Variants in PDE1C observed in about 807,000 individuals in gnomAD.
PDE1C encodes dual specificity calcium/calmodulin-dependent 3',5'-cyclic nucleotide phosphodiesterase 1C.
In PDE1C, 62 loss-of-function variants were observed where a neutral mutation model predicts 93.1. That is an observed-to-expected ratio of 0.67 (90% CI 0.54 to 0.82). The LOEUF is 0.82. Among genes scored for constraint, PDE1C ranks in the 40% least tolerant of loss-of-function variants. The pLI is 0.00. For missense variants in PDE1C, 742 were observed against 884.6 expected (o/e 0.84, Z 2.04); for synonymous variants, 325 against 310.1 (o/e 1.05, Z -0.50).
chr7:31,692,664 A>T, the PDE1C span: 1 of 703,064 alleles, frequency 1.4e-6, no homozygotes, highest in East Asian at 2.7e-5. Context: ...CCAACACCAG[A>T]TGGGCAGGCA....
intron 1 of PDE1C, among the ~76,000 whole-genome samples, chr7:32,345,396 G>A (rs560062583): frequency 2.0e-5 from 3 of 152,272 alleles, no homozygotes; most frequent in African/African-American, 4.8e-5. Flanking sequence ...TCAAGTAAGC[G>A]AGTGGCAACT....
chr7:32,340,601 T>C (rs1554308966), intron 1 of PDE1C, among the ~76,000 whole-genome samples: 3 of 152,200 alleles, frequency 2.0e-5, no homozygotes, highest in Non-Finnish European at 4.4e-5. Flanking sequence ...TTTGTGTTTT[T>C]AAAAAATGCT....
At chr7:31,901,203 T>A (rs10255897) in intron 2 of PDE1C, among the ~76,000 whole-genome samples, 14,601 of 150,098 alleles carry the variant, frequency 0.097, 920 homozygotes, top group Admixed American at 0.21. Flanking sequence ...GTAGAAGGAA[T>A]GAAAAATTGA....
intron 2 of PDE1C, among the ~76,000 whole-genome samples, chr7:32,006,083 T>C (rs1209047946): frequency 1.3e-5 from 2 of 152,220 alleles, no homozygotes; most frequent in Admixed American, 1.3e-4. Context: ...GTTCCTTTCT[T>C]GGTTCCATTA....
At chr7:32,389,798 G>A (rs1562703174) in intron 1 of PDE1C, among the ~76,000 whole-genome samples, 1 of 152,052 alleles carries the variant, frequency 6.6e-6, no homozygotes, top group Non-Finnish European at 1.5e-5. Context: ...TCAAAAAATG[G>A]GTATTATCAT....
the PDE1C span, chr7:31,652,440 TA>T: frequency 6.7e-7 from 1 of 1,494,196 alleles, no homozygotes. Context: ...TCATAATGCC[TA>T]GCTCACAAGT....
intron 1 of PDE1C, among the ~76,000 whole-genome samples, chr7:32,267,582 A>ACTCTCTCTCTCTCTCT (rs1562634837): frequency 2.8e-5 from 2 of 70,492 alleles, no homozygotes; most frequent in African/African-American, 4.6e-5. Context: ...TCACACACAC[A>ACTCTCTCTCTCTCTCT]CACACTCTCT....
At chr7:32,183,637 T>C (rs1376201400) in intron 2 of PDE1C, among the ~76,000 whole-genome samples, 2 of 152,136 alleles carry the variant, frequency 1.3e-5, no homozygotes, top group Non-Finnish European at 2.9e-5. Flanking sequence ...TTACACCTTA[T>C]ACAAAAATTA....
chr7:31,931,707 T>G (rs78552121), intron 2 of PDE1C, among the ~76,000 whole-genome samples: 1 of 152,144 alleles, frequency 6.6e-6, no homozygotes, highest in African/African-American at 2.4e-5. Context: ...TAAGCTAACA[T>G]TGACTTTCTC....
chr7:32,350,041 G>A (rs577041686), intron 1 of PDE1C, among the ~76,000 whole-genome samples: 1 of 152,316 alleles, frequency 6.6e-6, no homozygotes, highest in South Asian at 2.1e-4. Context: ...GCTTATCCAT[G>A]TCCTGCTTTG....
rs1029434867 is a variant in PDE1C, at chr7:32,052,526, A to G, written c.102-946T>C. 2.6e-5 allele frequency among the ~76,000 whole-genome samples: 4 copies of G among 152,216 alleles called. 1 individual carries two copies. Among genetic ancestry groups the G allele is most frequent in the African/African-American group, 9.6e-5 (4 of 41,458 alleles). On this transcript the variant is annotated intron_variant, in intron 1 of 17. Coordinates refer to ENST00000396191, the MANE Select transcript of PDE1C (RefSeq NM_001191057.4). ...GATTAGAGGAGAGGAAGTGTTAAGGAAAGAAAATCCATCTCCTTGTAGCAT... is the reference window on the plus strand; with the variant it reads ...GATTAGAGGAGAGGAAGTGTTAAGGGAAGAAAATCCATCTCCTTGTAGCAT...
At chr7:31,996,148 G>T (rs1475395378) in intron 2 of PDE1C, among the ~76,000 whole-genome samples, 1 of 152,030 alleles carries the variant, frequency 6.6e-6, no homozygotes, top group South Asian at 2.1e-4. Context: ...TTGAGAGAGA[G>T]AGAAGCTGGC....
At chr7:31,756,131 A>C (rs6952429) in intron 17 of PDE1C, among the ~76,000 whole-genome samples, 148,865 of 152,168 alleles carry the variant, frequency 0.98, 72,908 homozygotes, top group East Asian at 1. Context: ...AAGATGGTAC[A>C]CTTGCACTCC....
At chr7:31,749,910 G>A (rs1794086776), downstream of PDE1C, among the ~76,000 whole-genome samples, 1 of 151,672 alleles carries the variant, frequency 6.6e-6, no homozygotes, top group Non-Finnish European at 1.5e-5. Flanking sequence ...GCTATTTTTT[G>A]TATTTTTTAG....
chr7:32,163,752 A>G (rs1237462874), intron 3 of PDE1C, among the ~76,000 whole-genome samples: 3 of 152,300 alleles, frequency 2.0e-5, no homozygotes, highest in Non-Finnish European at 4.4e-5. Flanking sequence ...CCACTGCCCA[A>G]GGAGGTCAGG....
At chr7:31,848,545 T>C (rs1007648456) in intron 8 of PDE1C, among the ~76,000 whole-genome samples, 2 of 152,180 alleles carry the variant, frequency 1.3e-5, no homozygotes, top group African/African-American at 4.8e-5. Flanking sequence ...GTAAGCTGCC[T>C]CTGATAGTGG....
chr7:31,738,650 G>A, the PDE1C span, among the ~76,000 whole-genome samples: 2 of 152,192 alleles, frequency 1.3e-5, no homozygotes, highest in African/African-American at 4.8e-5. Context: ...AATTCCCATA[G>A]CACCAAGCCG....
chr7:31,721,717 C>G, the PDE1C span, among the ~76,000 whole-genome samples: 5 of 152,206 alleles, frequency 3.3e-5, no homozygotes, highest in African/African-American at 1.2e-4. Context: ...GACACGCTGT[C>G]ATCAGGAAGT....
chr7:32,310,588 A>G (rs1364438321), intron 1 of PDE1C, among the ~76,000 whole-genome samples: 1 of 152,256 alleles, frequency 6.6e-6, no homozygotes, highest in Non-Finnish European at 1.5e-5. Flanking sequence ...AGAACTGAGG[A>G]CTAAGAAACT....
Sources: allele counts gnomAD v4.1 joint callset (sites outside exome capture counted in the v4.1 genomes callset), GRCh38; gene constraint gnomAD v4.1.1; transcripts MANE v1.5; gene names NCBI Gene and HGNC (gene_info 2026-07-23, HGNC 2026-07-21).